The following RBPJ variants were observed in gnomAD, a reference collection of about 807,000 sequenced individuals.
RBPJ encodes the protein recombining binding protein suppressor of hairless.
Under a neutral mutation model 67.8 loss-of-function variants are expected in RBPJ, and 9 were observed. That is an observed-to-expected ratio of 0.13 (90% CI 0.08 to 0.23). The LOEUF is 0.23. Ranked by LOEUF, RBPJ falls within the 10% of genes least tolerant of loss-of-function variation. The pLI is 1.00. For missense variants in RBPJ, 305 were observed against 595.6 expected, an observed-to-expected ratio of 0.51 and a Z score of 5.08; for synonymous variants, 198 against 203.3, an observed-to-expected ratio of 0.97 and a Z score of 0.22.
rs1660447031 is a variant in RBPJ, at chr4:26,433,514, C to T, written c.*2507C>T. The T allele has an allele frequency of 6.6e-6, 1 of 152,090 alleles. No homozygotes were observed. Among genetic ancestry groups the T allele is most frequent in the Non-Finnish European group, 1.5e-5 (1 of 67,992 alleles). The allele number at this position is 152,090 out of a possible 1,614,324, so 9.4% of individuals were successfully genotyped here. A position where few individuals can be genotyped will look rare whatever the true frequency, so the allele number is the denominator to read the frequency against. ...AAGTTCATGACCTTATTAAAATGAA[C>T]TTGTGTTTTTTTAACAAACATGTAT... On this transcript the variant is annotated 3_prime_UTR_variant, in exon 11 of 11. Transcript: ENST00000355476.
At chr4:26,133,141 T>C in the RBPJ span, among the ~76,000 whole-genome samples, 2 of 152,266 alleles carry the variant, frequency 1.3e-5, no homozygotes, top group African/African-American at 4.8e-5. Context: ...TCCTTGCACA[T>C]GCACCAGTCA....
intron 2 of RBPJ, among the ~76,000 whole-genome samples, chr4:26,397,633 T>TG (rs1553876693): frequency 3.9e-5 from 6 of 152,116 alleles, no homozygotes; most frequent in Admixed American, 3.3e-4. Flanking sequence ...TAACTCTTTT[T>TG]TTGTTGTTGT....
the RBPJ span, among the ~76,000 whole-genome samples, chr4:26,152,706 C>T: frequency 7.7e-4 from 117 of 152,328 alleles, 1 homozygote; most frequent in African/African-American, 2.6e-3. Flanking sequence ...GAATCCATAG[C>T]CCAAGCTCTT....
intron 1 of RBPJ, among the ~76,000 whole-genome samples, chr4:26,311,670 ATTTAAAT>A (rs1309959496): frequency 6.6e-6 from 1 of 152,088 alleles, no homozygotes; most frequent in African/African-American, 2.4e-5. Flanking sequence ...CCCTTTTACT[ATTTAAAT>A]ATTTCATTTA....
At chr4:26,223,562 A>G (rs534587225) in intron 1 of RBPJ, among the ~76,000 whole-genome samples, 56 of 152,370 alleles carry the variant, frequency 3.7e-4, no homozygotes, top group Admixed American at 1.2e-3. Flanking sequence ...AGCCAGAAGC[A>G]GAGAAGAGTG....
At chr4:26,136,864 A>G in the RBPJ span, among the ~76,000 whole-genome samples, 1 of 152,222 alleles carries the variant, frequency 6.6e-6, no homozygotes, top group African/African-American at 2.4e-5. Context: ...CTCATAGATG[A>G]GAAAGGTCAC....
intron 1 of RBPJ, among the ~76,000 whole-genome samples, chr4:26,263,934 G>A (rs1460078088): frequency 6.6e-6 from 1 of 150,490 alleles, no homozygotes; most frequent in African/African-American, 2.5e-5. Flanking sequence ...GAGTGCAGCC[G>A]TGCGATCTCG....
the RBPJ span, among the ~76,000 whole-genome samples, chr4:26,108,072 AG>A: frequency 1.3e-5 from 2 of 152,220 alleles, no homozygotes; most frequent in African/African-American, 4.8e-5. Context: ...GTGGCTGCCC[AG>A]ATGACATTTT....
At chr4:26,428,229 A>G (rs1237876220) in intron 7 of RBPJ, among the ~76,000 whole-genome samples, 3 of 152,196 alleles carry the variant, frequency 2.0e-5, no homozygotes, top group Non-Finnish European at 2.9e-5. Flanking sequence ...TTTCCCTTTG[A>G]TGTTGGAGTA....
the RBPJ span, among the ~76,000 whole-genome samples, chr4:26,142,298 A>G: frequency 6.6e-6 from 1 of 152,204 alleles, no homozygotes; most frequent in Non-Finnish European, 1.5e-5. Context: ...GAAAAAAGAC[A>G]CACATAGCCC....
At chr4:26,322,502 C>T (rs1325749757) in intron 1 of RBPJ, among the ~76,000 whole-genome samples, 1 of 152,028 alleles carries the variant, frequency 6.6e-6, no homozygotes, top group East Asian at 1.9e-4. Context: ...GTGCTTTTTG[C>T]TGCCCTGTAG....
At chr4:26,252,107 A>G (rs1457439657) in intron 1 of RBPJ, among the ~76,000 whole-genome samples, 1 of 151,590 alleles carries the variant, frequency 6.6e-6, no homozygotes, top group African/African-American at 2.4e-5. Flanking sequence ...TAAGGGTACA[A>G]GGGCAATTTT....
intron 3 of RBPJ, among the ~76,000 whole-genome samples, chr4:26,410,711 G>A (rs1733929841): frequency 6.6e-6 from 1 of 152,186 alleles, no homozygotes; most frequent in Non-Finnish European, 1.5e-5. Flanking sequence ...AATATCATGA[G>A]TTTGGATTCT....
chr4:26,248,019 C>T (rs1719984028), intron 1 of RBPJ, among the ~76,000 whole-genome samples: 2 of 152,084 alleles, frequency 1.3e-5, no homozygotes, highest in South Asian at 4.2e-4. Context: ...AAAGGCGAGG[C>T]ATGGTGGCTA....
the RBPJ span, among the ~76,000 whole-genome samples, chr4:26,114,332 GC>G: frequency 6.6e-6 from 1 of 151,516 alleles, no homozygotes; most frequent in Non-Finnish European, 1.5e-5. Context: ...GGTGGCGTGT[GC>G]CTATAATCCC....
chr4:26,406,070 TA>T, intron 2 of RBPJ, 104 bp from the exon 3 acceptor site: 1 of 674,482 alleles, frequency 1.5e-6, no homozygotes, highest in Non-Finnish European at 2.5e-6. Context: ...TTTGCTTATT[TA>T]AAAAATATTT....
In RBPJ at chr4:26,264,860, T is replaced by G; in HGVS notation, c.-166-97586T>G. Among the ~76,000 whole-genome samples the G allele has an allele frequency of 6.6e-6, 1 of 152,168 alleles. No homozygotes were observed. The highest frequency in any genetic ancestry group is 1.9e-4 in the East Asian group (1 of 5,190). Reference sequence around the variant, plus strand: ...GAGGCAAAGAAAATTTCCTTCTCCTTTTGAAGGTTCAAGTCTCCTAAACAA... The same window carrying G: ...GAGGCAAAGAAAATTTCCTTCTCCTGTTGAAGGTTCAAGTCTCCTAAACAA... On this transcript the variant is annotated intron_variant, in intron 1 of 4. Coordinates refer to the RBPJ transcript ENST00000512351. This position sits in a 1 kb window ranked among gnomAD's most constrained non-coding sequence, Gnocchi z 4.1.
the RBPJ span, among the ~76,000 whole-genome samples, chr4:26,152,716 T>C: frequency 1.3e-5 from 2 of 152,254 alleles, no homozygotes; most frequent in Non-Finnish European, 2.9e-5. Flanking sequence ...CCCAAGCTCT[T>C]AATCACTAAT....
the RBPJ span, among the ~76,000 whole-genome samples, chr4:26,109,783 A>C: frequency 1.3e-5 from 2 of 150,466 alleles, no homozygotes; most frequent in African/African-American, 2.5e-5. Context: ...ATTAAAAAAA[A>C]CGATTAAAGT....
Sources: allele counts gnomAD v4.1 joint callset (sites outside exome capture counted in the v4.1 genomes callset), GRCh38; gene constraint gnomAD v4.1.1; non-coding constraint Gnocchi (gnomAD v3.1); transcripts MANE v1.5; gene names NCBI Gene and HGNC (gene_info 2026-07-23, HGNC 2026-07-21).